TBL1X: variants seen among roughly 807,000 people sequenced by gnomAD.
TBL1X encodes F-box-like/WD repeat-containing protein TBL1X.
Under a neutral mutation model 50.7 loss-of-function variants are expected in TBL1X, and 10 were observed. The ratio of observed to expected loss-of-function variants is 0.20; its 90% confidence interval spans 0.12 to 0.33. TBL1X has a LOEUF of 0.33. Among genes scored for constraint, TBL1X ranks in the 10% least tolerant of loss-of-function variants. The pLI is 1.00. For missense variants in TBL1X, 340 were observed against 504.4 expected, an observed-to-expected ratio of 0.67 and a Z score of 3.12; for synonymous variants, 190 against 214.7, an observed-to-expected ratio of 0.88 and a Z score of 1.01.
chrX:9,482,318 C>G (rs753579157), intron 1 of TBL1X, among the ~76,000 whole-genome samples: 1 of 111,724 alleles, frequency 9.0e-6, no homozygotes, highest in Non-Finnish European at 1.9e-5. Context: ...ATAAATTGTG[C>G]CCAGTGTTAA....
chrX:9,525,298 C>T (rs2082126616), intron 2 of TBL1X, among the ~76,000 whole-genome samples: 2 of 112,056 alleles, frequency 1.8e-5, no homozygotes, highest in African/African-American at 6.5e-5. Flanking sequence ...GTCAGAGTCA[C>T]ACTTTACTTG....
chrX:9,552,141 G>C (rs1212966646), intron 2 of TBL1X, among the ~76,000 whole-genome samples: 2 of 112,091 alleles, frequency 1.8e-5, no homozygotes, highest in Non-Finnish European at 3.8e-5. Flanking sequence ...TGTTTCTCTT[G>C]GCTTCAAGAT....
chrX:9,493,037 G>A (rs891275270), intron 1 of TBL1X, among the ~76,000 whole-genome samples: 1 of 111,166 alleles, frequency 9.0e-6, no homozygotes, highest in Non-Finnish European at 1.9e-5. Context: ...GTGACTGGGA[G>A]TGTGATAGAG....
intron 1 of TBL1X, among the ~76,000 whole-genome samples, chrX:9,469,646 C>T (rs1445072021): frequency 3.6e-5 from 4 of 112,310 alleles, no homozygotes; most frequent in East Asian, 2.8e-4. Context: ...AAGTTTGTCT[C>T]TTTGGGTGCA....
At chrX:9,476,853 CA>C (rs1183341101) in intron 1 of TBL1X, among the ~76,000 whole-genome samples, 15 of 112,187 alleles carry the variant, frequency 1.3e-4, no homozygotes, top group African/African-American at 4.2e-4. Context: ...AATTTTAGTT[CA>C]GATAATTGTA....
intron 1 of TBL1X, among the ~76,000 whole-genome samples, chrX:9,486,308 A>C (rs1458611460): frequency 7.4e-5 from 8 of 108,172 alleles, no homozygotes; most frequent in Non-Finnish European, 1.3e-4. Flanking sequence ...ATCACAGCTC[A>C]CTGTAGCCTT....
chrX:9,641,846 C>A (rs968974700), intron 3 of TBL1X, among the ~76,000 whole-genome samples: 1 of 111,985 alleles, frequency 8.9e-6, no homozygotes, highest in Non-Finnish European at 1.9e-5. Context: ...ATATTTGATT[C>A]ATGCATCAGT....
intron 12 of TBL1X, among the ~76,000 whole-genome samples, chrX:9,699,565 G>A (rs142970567): frequency 0.017 from 1,879 of 111,822 alleles, 36 homozygotes; most frequent in African/African-American, 0.057. Flanking sequence ...TTCTGAATGG[G>A]AGGGCTAACT....
At chrX:9,572,472 C>G (rs752220518) in intron 2 of TBL1X, among the ~76,000 whole-genome samples, 1 of 113,008 alleles carries the variant, frequency 8.8e-6, no homozygotes, top group South Asian at 3.6e-4. Context: ...GGGGACACTT[C>G]GCAATCAGCA....
At chrX:9,626,079 G>A (rs758164402) in intron 2 of TBL1X, among the ~76,000 whole-genome samples, 7 of 112,015 alleles carry the variant, frequency 6.2e-5, no homozygotes, top group Non-Finnish European at 1.1e-4. Context: ...TTGAGATGTC[G>A]GGACGGTGAT....
chrX:9,688,966 ATGTGCC>A (rs1486696007), intron 7 of TBL1X, among the ~76,000 whole-genome samples: 2 of 113,565 alleles, frequency 1.8e-5, no homozygotes, highest in African/African-American at 3.2e-5. Context: ...CTGCATGTGT[ATGTGCC>A]TGTGTCTGTG....
intron 2 of TBL1X, among the ~76,000 whole-genome samples, chrX:9,532,892 T>G (rs1445791350): frequency 1.8e-5 from 2 of 110,989 alleles, no homozygotes; most frequent in African/African-American, 6.6e-5. Flanking sequence ...CTTCAGCATA[T>G]GAGTTGGGAG....
At chrX:9,616,157 T>C (rs1443805607) in intron 2 of TBL1X, among the ~76,000 whole-genome samples, 1 of 111,723 alleles carries the variant, frequency 9.0e-6, no homozygotes, top group East Asian at 2.8e-4. Flanking sequence ...GTCCTGTAAG[T>C]TTCAGATTGG....
Position 9,693,180 on chromosome X carries a change from A to G in TBL1X, c.923A>G (p.Tyr308Cys). Residue 308 changes from tyrosine to cysteine, a missense_variant, in exon 10 of 18, where the codon TAT becomes TGT. Coordinates refer to ENST00000645353, the MANE Select transcript of TBL1X (RefSeq NM_005647.4). Reference protein sequence around the residue: ...TNGTLLATGSYDGFARIWTED... With the variant: ...TNGTLLATGSCDGFARIWTED... ...GGAACACTCTTGGCTACGGGTTCAT[A>G]TGACGGTTTTGCAAGAATATGGACG... is the stretch of plus-strand genomic sequence containing the variant. 1 of 1,211,368 alleles carries G rather than the reference A, an allele frequency of 8.3e-7. No homozygotes were observed. Among genetic ancestry groups the G allele is most frequent in the Non-Finnish European group, 1.1e-6 (1 of 895,473 alleles).
At chrX:9,466,666 C>G (rs1476711441) in intron 1 of TBL1X, among the ~76,000 whole-genome samples, 4 of 112,525 alleles carry the variant, frequency 3.6e-5, no homozygotes, top group Non-Finnish European at 7.5e-5. Flanking sequence ...GGCAACCTCC[C>G]TGCTAAGGTT....
intron 5 of TBL1X, among the ~76,000 whole-genome samples, chrX:9,663,667 A>C (rs1385506699): frequency 9.2e-6 from 1 of 109,217 alleles, no homozygotes; most frequent in Non-Finnish European, 1.9e-5. Context: ...AGGCTGAGGC[A>C]GGAGAAACGC....
rs1295597510 is a variant in TBL1X at position 9,714,938 on chromosome X, G to A, written c.1642G>A (p.Gly548Ser). 1 of 1,211,861 alleles carries A rather than the reference G, an allele frequency of 8.3e-7. No individual in the cohort carries two copies. The change falls in exon 17 of 18, where the codon GGC becomes AGC. Residue 548 changes from glycine to serine, a missense_variant. Around this residue, in one of 6 missense-constraint regions of TBL1X, gnomAD observed 170 missense variants for 272.6 expected, o/e 0.62. Transcript: ENST00000645353. ...TGTCCACAGCTACCGAGGCACTGGC[G>A]GCATCTTCGAGGTGTGCTGGAACGC... is the stretch of plus-strand genomic sequence containing the variant. The part of the protein sequence containing the change: ...NLVHSYRGTG[G>S]IFEVCWNARG...
chrX:9,577,884 A>G (rs2082420648), intron 2 of TBL1X, among the ~76,000 whole-genome samples: 1 of 112,557 alleles, frequency 8.9e-6, no homozygotes, highest in South Asian at 3.7e-4. Context: ...GTGTAAGAAT[A>G]TGAAGTTGAT....
rs769007745 is a variant in TBL1X at position 9,560,221 on chromosome X, T to C, written c.-131+58372T>C. On this transcript the variant is annotated intron_variant, in intron 2 of 17. Transcript: ENST00000645353. ...CATGCCAGGGGGATTCTGTGCTCTTTCCATGTGTGAATGATAGCATCCACC... is the reference window on the plus strand; with the variant it reads ...CATGCCAGGGGGATTCTGTGCTCTTCCCATGTGTGAATGATAGCATCCACC... Among the ~76,000 whole-genome samples the C allele has an allele frequency of 7.2e-4, 81 of 112,169 alleles. 1 individual carries two copies. Among genetic ancestry groups the C allele is most frequent in the Middle Eastern group, 4.6e-3 (1 of 218 alleles).
Sources: allele counts gnomAD v4.1 joint callset (sites outside exome capture counted in the v4.1 genomes callset), GRCh38; gene constraint gnomAD v4.1.1; regional missense constraint gnomAD v4.1.1; transcripts MANE v1.5; gene names NCBI Gene and HGNC (gene_info 2026-07-23, HGNC 2026-07-21).